AKAP13: variants seen among roughly 807,000 people sequenced by gnomAD.
The protein encoded by AKAP13 is A-kinase anchoring protein 13.
A neutral mutation model predicts 264.5 loss-of-function variants in AKAP13; 80 were observed. That is an observed-to-expected ratio of 0.30 (90% CI 0.25 to 0.36). The LOEUF (loss-of-function observed/expected upper bound fraction) is 0.36. Among genes scored for constraint, AKAP13 ranks in the 10% least tolerant of loss-of-function variants. The pLI, the probability that AKAP13 is intolerant of heterozygous loss-of-function variation, is 1.00. For missense variants in AKAP13, 3,712 were observed against 3,435.2 expected (o/e 1.08, Z -2.01); for synonymous variants, 1,380 against 1,250.2 (o/e 1.10, Z -2.19).
chr15:85,694,378 T>G (rs1429848536), intron 17 of AKAP13, among the ~76,000 whole-genome samples: 1 of 152,252 alleles, frequency 6.6e-6, no homozygotes, highest in Non-Finnish European at 1.5e-5. Context: ...CCACATGGTC[T>G]CTGTCACAAT....
intron 1 of AKAP13, among the ~76,000 whole-genome samples, chr15:85,418,837 A>G (rs1201109273): frequency 2.0e-5 from 3 of 152,254 alleles, no homozygotes; most frequent in Non-Finnish European, 4.4e-5. Context: ...CATTAATAAT[A>G]AAGACCACAA....
chr15:85,389,896 T>C (rs2150800078), intron 1 of AKAP13: 1 of 152,358 alleles, frequency 6.6e-6, no homozygotes, highest in Middle Eastern at 3.4e-3. Flanking sequence ...TGATCTGGTG[T>C]TTTCATGTAG....
At chr15:85,628,089 A>G (rs2081515963) in intron 8 of AKAP13, among the ~76,000 whole-genome samples, 1 of 152,192 alleles carries the variant, frequency 6.6e-6, no homozygotes, top group African/African-American at 2.4e-5. Flanking sequence ...TTCCAAACTT[A>G]TAGGCCATGG....
Position 85,564,866 on chromosome 15 carries a change from C to G in AKAP13, c.663-10265C>G, listed in dbSNP as rs188682611. Among the ~76,000 whole-genome samples the G allele has an allele frequency of 1.1e-4, 16 of 152,274 alleles. 1 individual carries two copies. The East Asian group carries it at 3.1e-3, about 29-fold the overall frequency. On this transcript the variant is annotated intron_variant, in intron 5 of 36. Transcript: ENST00000394518. ...GTGGAGATCAGCAGGTCAGGAGATA[C>G]ACGGTCCTGGTTCTCAATGGGGCTT...
In AKAP13 at chr15:85,677,011, A is replaced by G. The variant is rs192073833; in HGVS notation, c.5102-5147A>G. ...GATGCGGCCAGCAAGGCGGATCTCCATCAGCATCTCTCCGCTCCTCCTTAA... is the reference window on the plus strand; with the variant it reads ...GATGCGGCCAGCAAGGCGGATCTCCGTCAGCATCTCTCCGCTCCTCCTTAA... On this transcript the variant is annotated intron_variant, in intron 14 of 36. Transcript: ENST00000394518. The G allele has an allele frequency of 1.3e-4, 132 of 985,464 alleles. 2 individuals are homozygous for G. The Admixed American group carries it at 6.6e-3, about 50-fold the overall frequency. 61.0% of individuals were successfully genotyped at this position (985,464 alleles called of 1,614,324 possible). A position where few individuals can be genotyped will look rare whatever the true frequency, so the allele number is the denominator to read the frequency against.
In AKAP13 at chr15:85,404,489, A is replaced by G. The variant is rs71397876; in HGVS notation, c.-12+23691A>G. On this transcript the variant is annotated intron_variant, in intron 1 of 36. Transcript: ENST00000394518. Reference sequence around the variant, plus strand: ...CATATATTGATTACTTTGTGTGCCAATGTGGAGGCTAGACCCTAGGGACAC... The same window carrying G: ...CATATATTGATTACTTTGTGTGCCAGTGTGGAGGCTAGACCCTAGGGACAC... Among the ~76,000 whole-genome samples, 251 of 152,322 alleles carry G rather than the reference A, an allele frequency of 1.6e-3. 3 individuals are homozygous for G. The highest frequency in any genetic ancestry group is 2.6e-3 in the Non-Finnish European group (175 of 68,026).
At chr15:85,677,061 C>T (rs2084266269) in intron 14 of AKAP13, 5 of 985,336 alleles carry the variant, frequency 5.1e-6, no homozygotes, top group South Asian at 9.4e-5. Flanking sequence ...TTTCTCTTGG[C>T]TCTTCTTATT....
chr15:85,482,245 A>G (rs937589493), intron 1 of AKAP13, among the ~76,000 whole-genome samples: 5 of 152,144 alleles, frequency 3.3e-5, no homozygotes, highest in African/African-American at 9.7e-5. Context: ...GGTAAATGAT[A>G]TCTTCTCAGG....
At chr15:85,444,188 C>A (rs976127332) in intron 1 of AKAP13, among the ~76,000 whole-genome samples, 2 of 152,252 alleles carry the variant, frequency 1.3e-5, no homozygotes, top group South Asian at 2.1e-4. Context: ...GCTTTCCACT[C>A]GAGCCAGCTA....
Position 85,669,809 on chromosome 15 carries a change from A to G in AKAP13, c.5080A>G (p.Ile1694Val), listed in dbSNP as rs138963258. The change falls in exon 14 of 37, where the codon ATC becomes GTC. Residue 1694 changes from isoleucine to valine, a missense_variant. Physicochemically the swap from Ile to Val is conservative, Grantham distance 29. Transcript: ENST00000394518. ...GACAAAATCCATCTCATTAATGACA[A>G]TCAGCCATCCTGGATTGGACAGTGA... ...PLTKSISLMT[I>V]SHPGLDNSRP... is the part of the protein sequence containing the mutation. The G allele has an allele frequency of 8.9e-5, 143 of 1,610,266 alleles. No individual in the cohort carries two copies. Among genetic ancestry groups the G allele is most frequent in the Non-Finnish European group, 1.1e-4 (130 of 1,176,764 alleles).
At chr15:85,616,470 A>G (rs942440910) in intron 8 of AKAP13, among the ~76,000 whole-genome samples, 1 of 152,228 alleles carries the variant, frequency 6.6e-6, no homozygotes, top group East Asian at 1.9e-4. Context: ...GATTAAAAGC[A>G]CTGGTTGTTT....
At chr15:85,498,458 A>C (rs572373481) in intron 2 of AKAP13, among the ~76,000 whole-genome samples, 22 of 152,160 alleles carry the variant, frequency 1.4e-4, no homozygotes, top group African/African-American at 5.1e-4. Context: ...CACCCATGTG[A>C]GATCCATTTT....
intron 1 of AKAP13, among the ~76,000 whole-genome samples, chr15:85,429,827 G>A (rs2072950189): frequency 6.6e-6 from 1 of 152,162 alleles, no homozygotes; most frequent in African/African-American, 2.4e-5. Flanking sequence ...ATGCTATCAA[G>A]GATAATCTTT....
chr15:85,473,844 G>A (rs1372780550), intron 1 of AKAP13, among the ~76,000 whole-genome samples: 1 of 152,184 alleles, frequency 6.6e-6, no homozygotes, highest in Non-Finnish European at 1.5e-5. Flanking sequence ...TGCCATCTGT[G>A]CAGCAATTTA....
At chr15:85,608,350 T>A (rs1430884619) in intron 8 of AKAP13, among the ~76,000 whole-genome samples, 1 of 152,204 alleles carries the variant, frequency 6.6e-6, no homozygotes, top group African/African-American at 2.4e-5. Flanking sequence ...ATTGGAAGTC[T>A]TAGGGTTGTG....
At chr15:85,455,435 C>A (rs1215751049) in intron 1 of AKAP13, among the ~76,000 whole-genome samples, 1 of 152,236 alleles carries the variant, frequency 6.6e-6, no homozygotes, top group Middle Eastern at 3.4e-3. Context: ...TCTCTAAATT[C>A]CTAGATTTCA....
At chr15:85,693,479 A>T in intron 17 of AKAP13, 28 bp downstream of exon 17, 1 of 1,608,278 alleles carries the variant, frequency 6.2e-7, no homozygotes, top group East Asian at 2.2e-5. Flanking sequence ...TCCTCTCGTA[A>T]GATGGAACTC....
At chr15:85,544,738 A>G (rs2077678972) in intron 5 of AKAP13, among the ~76,000 whole-genome samples, 1 of 152,182 alleles carries the variant, frequency 6.6e-6, no homozygotes, top group Non-Finnish European at 1.5e-5. Context: ...ATACATTTTT[A>G]TTAGTTTTGT....
chr15:85,451,729 G>A (rs958091637), intron 1 of AKAP13, among the ~76,000 whole-genome samples: 1 of 152,236 alleles, frequency 6.6e-6, no homozygotes, highest in African/African-American at 2.4e-5. Flanking sequence ...TCTGCTGAGA[G>A]ATCCACTGTT....
Sources: allele counts gnomAD v4.1 joint callset (sites outside exome capture counted in the v4.1 genomes callset), GRCh38; gene constraint gnomAD v4.1.1; transcripts MANE v1.5; gene names NCBI Gene and HGNC (gene_info 2026-07-23, HGNC 2026-07-21).